Variants in ARHGAP6 observed in about 807,000 individuals in gnomAD.
ARHGAP6 encodes the protein Rho GTPase activating protein 6, also known as rho GTPase-activating protein 6.
A neutral mutation model predicts 55.7 loss-of-function variants in ARHGAP6; 16 were observed. The observed-to-expected ratio is 0.29, with a 90% CI of 0.19 to 0.44. The LOEUF is 0.44. ARHGAP6 is among the 20% of genes least tolerant of loss of function. The pLI is 1.00. For synonymous variants in ARHGAP6, 382 were observed against 360.9 expected (o/e 1.06, Z -0.66); for missense variants, 698 against 808.9 (o/e 0.86, Z 1.66).
chrX:11,550,712 A>G (rs1381602456), intron 1 of ARHGAP6, among the ~76,000 whole-genome samples: 2 of 112,212 alleles, frequency 1.8e-5, no homozygotes, highest in East Asian at 5.6e-4. Context: ...CACATTAGGA[A>G]GATCATTGGA....
At chrX:11,163,037 A>G (rs1249841182) in intron 9 of ARHGAP6, among the ~76,000 whole-genome samples, 1 of 112,169 alleles carries the variant, frequency 8.9e-6, no homozygotes, top group Non-Finnish European at 1.9e-5. Flanking sequence ...GTGATTCTTC[A>G]TTTACAATTC....
intron 1 of ARHGAP6, among the ~76,000 whole-genome samples, chrX:11,345,207 A>G (rs1404203098): frequency 1.8e-5 from 2 of 111,836 alleles, no homozygotes; most frequent in Non-Finnish European, 3.8e-5. Flanking sequence ...AATCGTTCAT[A>G]CTATGCACCA....
intron 8 of ARHGAP6, among the ~76,000 whole-genome samples, chrX:11,174,647 C>CT (rs1413857500): frequency 1.4e-3 from 105 of 73,777 alleles, no homozygotes; most frequent in South Asian, 5.7e-3. Context: ...TTCTTTCTTT[C>CT]TTTCTTTCTT....
chrX:11,490,503 G>A (rs956151850), intron 1 of ARHGAP6, among the ~76,000 whole-genome samples: 2 of 111,995 alleles, frequency 1.8e-5, no homozygotes, highest in Non-Finnish European at 3.8e-5. Flanking sequence ...CTGAGCAGAC[G>A]ACCCAGTTAA....
chrX:11,201,957 T>C (rs5933866), intron 2 of ARHGAP6, among the ~76,000 whole-genome samples: 23,857 of 106,359 alleles, frequency 0.22, 2,082 homozygotes, highest in Middle Eastern at 0.33. Context: ...CCTCCACTAC[T>C]GTACCACTGT....
intron 2 of ARHGAP6, among the ~76,000 whole-genome samples, chrX:11,249,157 G>T (rs773809231): frequency 8.9e-6 from 1 of 111,862 alleles, no homozygotes; most frequent in East Asian, 2.8e-4. Context: ...TATTCTAAGT[G>T]AAGTAACTCA....
chrX:11,398,251 C>A (rs1383433596), intron 1 of ARHGAP6, among the ~76,000 whole-genome samples: 1 of 91,256 alleles, frequency 1.1e-5, no homozygotes, highest in East Asian at 3.3e-4. Context: ...GTAAGGACTG[C>A]GTAAGTGCTA....
intron 1 of ARHGAP6, among the ~76,000 whole-genome samples, chrX:11,532,315 C>T (rs2051058875): frequency 8.9e-6 from 1 of 112,528 alleles, no homozygotes; most frequent in Non-Finnish European, 1.9e-5. Flanking sequence ...GAAATGGCAT[C>T]AACTGATAAA....
chrX:11,617,485 G>T (rs753779180), intron 1 of ARHGAP6, among the ~76,000 whole-genome samples: 10 of 111,743 alleles, frequency 8.9e-5, no homozygotes, highest in Non-Finnish European at 1.9e-4. Flanking sequence ...CCCTGCCAAA[G>T]ATTTCCACTA....
At chrX:11,590,487 T>G (rs779205026) in intron 1 of ARHGAP6, among the ~76,000 whole-genome samples, 113 of 109,960 alleles carry the variant, frequency 1.0e-3, no homozygotes, top group Non-Finnish European at 1.7e-3. Flanking sequence ...TACAAATAAC[T>G]TAAAGAAAAT....
chrX:11,350,313 G>C (rs1230301082), intron 1 of ARHGAP6, among the ~76,000 whole-genome samples: 1 of 112,148 alleles, frequency 8.9e-6, no homozygotes, highest in African/African-American at 3.2e-5. Context: ...AATTATCTGT[G>C]TTATAATTCT....
At chrX:11,288,464 AT>A (rs1343992525) in intron 1 of ARHGAP6, among the ~76,000 whole-genome samples, 1 of 112,203 alleles carries the variant, frequency 8.9e-6, no homozygotes, top group Admixed American at 9.4e-5. Flanking sequence ...GAGGGCCGAT[AT>A]CATACCATAT....
At chrX:11,416,608 T>C (rs2049750869) in intron 1 of ARHGAP6, among the ~76,000 whole-genome samples, 1 of 111,150 alleles carries the variant, frequency 9.0e-6, no homozygotes, top group Non-Finnish European at 1.9e-5. Context: ...GGTTCAAACC[T>C]TTCCCCAAGA....
chrX:11,412,251 T>C (rs1366227205), intron 1 of ARHGAP6, among the ~76,000 whole-genome samples: 2 of 111,974 alleles, frequency 1.8e-5, no homozygotes, highest in Non-Finnish European at 3.8e-5. Flanking sequence ...TTTAACACCA[T>C]GTGATATTTT....
intron 1 of ARHGAP6, among the ~76,000 whole-genome samples, chrX:11,471,930 G>A (rs915998583): frequency 3.6e-5 from 4 of 111,785 alleles, no homozygotes; most frequent in Admixed American, 2.9e-4. Context: ...AGTCATTAAC[G>A]CATTCATTAA....
At chrX:11,518,300 T>C (rs1365436599) in intron 1 of ARHGAP6, among the ~76,000 whole-genome samples, 3 of 109,884 alleles carry the variant, frequency 2.7e-5, no homozygotes, top group Non-Finnish European at 5.7e-5. Flanking sequence ...ACCACCACAC[T>C]TGGCTATTAT....
chrX:11,575,519 A>C (rs187424346), intron 1 of ARHGAP6, among the ~76,000 whole-genome samples: 1 of 111,542 alleles, frequency 9.0e-6, no homozygotes, highest in East Asian at 2.8e-4. Flanking sequence ...CAGAGGTTAG[A>C]AAGACAGGTG....
intron 1 of ARHGAP6, among the ~76,000 whole-genome samples, chrX:11,362,553 C>T (rs1266507914): frequency 1.8e-5 from 2 of 109,157 alleles, no homozygotes; most frequent in Admixed American, 9.8e-5. Context: ...ATACCTAATG[C>T]TAAATGACGA....
chrX:11,562,657 T>A (rs1311058518), intron 1 of ARHGAP6, among the ~76,000 whole-genome samples: 1 of 110,645 alleles, frequency 9.0e-6, no homozygotes, highest in Non-Finnish European at 1.9e-5. Context: ...AAAAAAAAAC[T>A]TCTTGCCATC....
Sources: allele counts gnomAD v4.1 joint callset (sites outside exome capture counted in the v4.1 genomes callset), GRCh38; gene constraint gnomAD v4.1.1; transcripts MANE v1.5; gene names NCBI Gene and HGNC (gene_info 2026-07-23, HGNC 2026-07-21).